Variants in NUCB1 observed in about 807,000 individuals in gnomAD.
The protein encoded by NUCB1 is nucleobindin 1.
A neutral mutation model predicts 61.2 loss-of-function variants in NUCB1; 47 were observed. That is an observed-to-expected ratio of 0.77 (90% CI 0.61 to 0.98). The LOEUF (loss-of-function observed/expected upper bound fraction) is 0.98. NUCB1 is among the 50% of genes least tolerant of loss of function. The pLI is 0.00. For synonymous variants in NUCB1, 234 were observed against 243.1 expected (o/e 0.96, Z 0.35); for missense variants, 583 against 605.3 (o/e 0.96, Z 0.39).
At chr19:48,921,420 C>T in intron 11 of NUCB1, 96 bp downstream of exon 11, 1 of 1,353,856 alleles carries the variant, frequency 7.4e-7, no homozygotes, top group Admixed American at 2.0e-5. Context: ...CCTGTGGCCA[C>T]CATGTTAATC....
chr19:48,900,788 C>T lies in NUCB1; in HGVS notation c.-9C>T. Reference sequence around the variant, plus strand: ...ATCCAGCCCTCCATCCCCCACAGACCACACTGCCATGCCTCCCTCTGGGCC... The same window carrying T: ...ATCCAGCCCTCCATCCCCCACAGACTACACTGCCATGCCTCCCTCTGGGCC... On this transcript the variant is annotated splice_region_variant and 5_prime_UTR_variant, in exon 2 of 13. Coordinates refer to ENST00000405315, the MANE Select transcript of NUCB1 (RefSeq NM_006184.6). 5 of 1,613,668 alleles carry T rather than the reference C, an allele frequency of 3.1e-6. No individual in the cohort carries two copies. The highest frequency in any genetic ancestry group is 2.2e-5 in the South Asian group (2 of 91,050).
At chr19:48,902,332 A>G (rs1230232431) in intron 2 of NUCB1, among the ~76,000 whole-genome samples, 2 of 151,110 alleles carry the variant, frequency 1.3e-5, no homozygotes, top group East Asian at 3.9e-4. Flanking sequence ...GATGGTCTCG[A>G]TCTCTTGACC....
At chr19:48,912,736 C>A (rs1008600845) in intron 5 of NUCB1, among the ~76,000 whole-genome samples, 1 of 150,294 alleles carries the variant, frequency 6.7e-6, no homozygotes, top group East Asian at 1.9e-4. Context: ...CTCGAAAGGC[C>A]GAGGCAGGAG....
At chr19:48,916,731 C>T (rs2037544364) in intron 7 of NUCB1, among the ~76,000 whole-genome samples, 2 of 152,100 alleles carry the variant, frequency 1.3e-5, no homozygotes, top group Middle Eastern at 3.2e-3. Context: ...TCCTGGCCAA[C>T]ATAGTGAAAC....
At chr19:48,900,722 G>A in intron 1 of NUCB1, 64 bp from the exon 2 acceptor site, 1 of 1,559,642 alleles carries the variant, frequency 6.4e-7, no homozygotes, top group Admixed American at 1.8e-5. Context: ...CGAACTCCTG[G>A]TTCCAGGGGA....
intron 4 of NUCB1, among the ~76,000 whole-genome samples, chr19:48,909,397 G>A (rs149700413): frequency 0.017 from 2,607 of 151,436 alleles, 27 homozygotes; most frequent in Non-Finnish European, 0.026. Flanking sequence ...ACAAGCACGC[G>A]CCACCACGCC....
intron 2 of NUCB1, among the ~76,000 whole-genome samples, chr19:48,903,332 C>T (rs1028785838): frequency 2.0e-5 from 3 of 149,708 alleles, no homozygotes; most frequent in Admixed American, 2.0e-4. Flanking sequence ...TGATAGGGGC[C>T]TGGTGAATGT....
intron 7 of NUCB1, among the ~76,000 whole-genome samples, chr19:48,914,651 C>G (rs898514280): frequency 6.6e-6 from 1 of 152,074 alleles, no homozygotes; most frequent in African/African-American, 2.4e-5. Context: ...CCATTGAAAA[C>G]AAGATGCGTC....
intron 10 of NUCB1, among the ~76,000 whole-genome samples, chr19:48,920,797 A>G (rs1442237175): frequency 6.6e-6 from 1 of 152,122 alleles, no homozygotes; most frequent in African/African-American, 2.4e-5. Flanking sequence ...TGCTGGGATT[A>G]CAGGTGTGAG....
At chr19:48,909,838 A>G (rs1437957662) in intron 4 of NUCB1, among the ~76,000 whole-genome samples, 1 of 152,002 alleles carries the variant, frequency 6.6e-6, no homozygotes, top group African/African-American at 2.4e-5. Flanking sequence ...CACTGTGCCC[A>G]GTCATAAATT....
At chr19:48,906,234 A>T (rs1213537456) in intron 4 of NUCB1, among the ~76,000 whole-genome samples, 2 of 151,952 alleles carry the variant, frequency 1.3e-5, no homozygotes, top group Non-Finnish European at 2.9e-5. Context: ...GTGAAACCCC[A>T]TATCTGCTAA....
intron 1 of NUCB1, 153 bp from the exon 2 acceptor site, chr19:48,900,633 C>A: frequency 4.8e-6 from 5 of 1,032,812 alleles, no homozygotes; most frequent in Non-Finnish European, 7.0e-6. Context: ...AAGGGAAGGC[C>A]GGAGGCCTGG....
rs998665869 is a variant in NUCB1, at chr19:48,922,879, G to C, written c.*455G>C. On this transcript the variant is annotated 3_prime_UTR_variant, in exon 13 of 13. Coordinates refer to ENST00000405315, the MANE Select transcript of NUCB1 (RefSeq NM_006184.6). ...TGGTTGATTAATGAGGGCATGGGGT[G>C]GTCCCTCAAGACCTTCCCCTACCTT... is the stretch of plus-strand genomic sequence containing the variant. 6.0e-6 allele frequency: 1 copy of C among 166,904 alleles called. No homozygotes were observed. Among genetic ancestry groups the C allele is most frequent in the African/African-American group, 2.4e-5 (1 of 41,752 alleles). 10.3% of individuals were successfully genotyped at this position (166,904 alleles called of 1,614,324 possible).
intron 7 of NUCB1, among the ~76,000 whole-genome samples, chr19:48,915,821 TG>T (rs938400734): frequency 6.6e-6 from 1 of 151,718 alleles, no homozygotes; most frequent in Non-Finnish European, 1.5e-5. Flanking sequence ...TGTTTTGTTT[TG>T]TTTTTTTTTT....
chr19:48,906,375 G>T (rs1286226571), intron 4 of NUCB1, among the ~76,000 whole-genome samples: 1 of 145,990 alleles, frequency 6.8e-6, no homozygotes, highest in Non-Finnish European at 1.5e-5. Flanking sequence ...TTGCACTCCA[G>T]CCTGGACAAC....
intron 1 of NUCB1, 124 bp from the exon 2 acceptor site, chr19:48,900,662 A>G: frequency 7.6e-7 from 1 of 1,321,040 alleles, no homozygotes; most frequent in South Asian, 1.4e-5. Flanking sequence ...GGCCTGGGTA[A>G]CAAAATGCTT....
At position 48,909,249 on chromosome 19, in the gene NUCB1, ATT is replaced by A. The variant is rs111606719; in HGVS notation, c.377-1888_377-1887del. On this transcript the variant is annotated intron_variant, in intron 4 of 12. Transcript: ENST00000405315. ...TTTTTTATTAATTATTATTATTATT[ATT>A]TTTTTTTTTTTCCAAGACAGAGTTT... 5.8e-4 allele frequency among the ~76,000 whole-genome samples: 79 copies of A among 136,840 alleles called. 1 individual carries two copies. The highest frequency in any genetic ancestry group is 3.6e-3 in the South Asian group (16 of 4,422). The allele number at this position is 136,840 out of a possible 152,430, so 89.8% of individuals were successfully genotyped here.
At chr19:48,908,695 G>GTGTGTGTA (rs1269071160) in intron 4 of NUCB1, among the ~76,000 whole-genome samples, 1 of 138,398 alleles carries the variant, frequency 7.2e-6, no homozygotes, top group African/African-American at 2.7e-5. Context: ...GTGTGTGTGT[G>GTGTGTGTA]TGTCTTTCTG....
intron 5 of NUCB1, among the ~76,000 whole-genome samples, chr19:48,911,605 C>T (rs1264063369): frequency 2.0e-5 from 3 of 151,836 alleles, no homozygotes; most frequent in East Asian, 3.9e-4. Context: ...AGGGTTTCAC[C>T]ATGTTGGCCA....
Sources: allele counts gnomAD v4.1 joint callset (sites outside exome capture counted in the v4.1 genomes callset), GRCh38; gene constraint gnomAD v4.1.1; transcripts MANE v1.5; gene names NCBI Gene and HGNC (gene_info 2026-07-23, HGNC 2026-07-21).